SLC35G6: variants seen among roughly 807,000 people sequenced by gnomAD.
The protein encoded by SLC35G6 is solute carrier family 35 member G6.
In SLC35G6, 18 loss-of-function variants were observed where a neutral mutation model predicts 20.3. The observed-to-expected ratio is 0.88, with a 90% CI of 0.61 to 1.31. The LOEUF is 1.31. SLC35G6 is among the 40% of genes most tolerant of loss of function. The pLI, the probability that SLC35G6 is intolerant of heterozygous loss-of-function variation, is 0.00. For missense variants in SLC35G6, 372 were observed against 433.4 expected (o/e 0.86, Z 1.26); for synonymous variants, 156 against 200.9 (o/e 0.78, Z 1.89).
At position 7,482,605 on chromosome 17, in the gene SLC35G6, T is replaced by A; in HGVS notation, c.621T>A (p.Leu207=). ...GAGGACTGGCGCTGTCCCTGGGGCT[T>A]CTGGTCTATCGTTCTCTGCACTTTC... ...FVGGLALSLG[L]LVYRSLHFPS... is the part of the protein sequence containing the mutation. The change falls in exon 2 of 2, where the codon CTT becomes CTA. Residue 207 remains leucine (L), a synonymous_variant. Transcript: ENST00000412468. The A allele has an allele frequency of 6.2e-7, 1 of 1,612,114 alleles. No homozygotes were observed. The highest frequency in any genetic ancestry group is 8.5e-7 in the Non-Finnish European group (1 of 1,179,918).
At position 7,482,435 on chromosome 17, in the gene SLC35G6, A is replaced by C; in HGVS notation, c.451A>C (p.Ser151Arg). The part of the protein sequence containing the change: ...CSAVLTLCLE[S>R]QGLSGYDWCG... ...CGCCGTCCTCACCCTCTGCCTTGAG[A>C]GCCAGGGTCTCAGTGGCTACGACTG... Residue 151 changes from serine (S) to arginine (R), a missense_variant, in exon 2 of 2, where the codon AGC becomes CGC. Coordinates refer to ENST00000412468, the MANE Select transcript of SLC35G6 (RefSeq NM_001102614.2). 1 of 1,613,942 alleles carries C rather than the reference A, an allele frequency of 6.2e-7. No homozygotes were observed. Among genetic ancestry groups the C allele is most frequent in the Non-Finnish European group, 8.5e-7 (1 of 1,179,852 alleles).
chr17:7,482,511 G>C lies in SLC35G6; in HGVS notation c.527G>C (p.Gly176Ala), dbSNP rs1236225752. Residue 176 changes from glycine (G) to alanine (A), a missense_variant, in exon 2 of 2, where the codon GGA (glycine) becomes GCA (alanine). Coordinates refer to ENST00000412468, the MANE Select transcript of SLC35G6 (RefSeq NM_001102614.2). ...ILGLIIIVGPGLWTLQEGITG... is the reference protein window; with the variant it reads ...ILGLIIIVGPALWTLQEGITG... ...GGACTAATCATCATTGTGGGACCTG[G>C]ACTCTGGACACTACAGGAGGGGATC... is the stretch of plus-strand genomic sequence containing the variant. The C allele has an allele frequency of 6.2e-7, 1 of 1,613,528 alleles. No individual in the cohort carries two copies. Among genetic ancestry groups the C allele is most frequent in the Non-Finnish European group, 8.5e-7 (1 of 1,179,920 alleles).
At position 7,482,999 on chromosome 17, in the gene SLC35G6, TG is replaced by T. The variant is rs1293532677; in HGVS notation, c.1016del (p.Ter339=). On this transcript the variant is annotated frameshift_variant and stop_lost, in exon 2 of 2. Transcript: ENST00000412468. LOFTEE classifies it high-confidence loss of function. ...SCEREGKVEE[*>X] ...TGAGAGGGAAGGGAAGGTGGAGGAGTGAGATAGAACTTGGGAGCCCGGGGGT... is the reference window on the plus strand; with the variant it reads ...TGAGAGGGAAGGGAAGGTGGAGGAGTAGATAGAACTTGGGAGCCCGGGGGT... 1 of 1,610,540 alleles carries T rather than the reference TG, an allele frequency of 6.2e-7. No homozygotes were observed. Among genetic ancestry groups the T allele is most frequent in the Non-Finnish European group, 8.5e-7 (1 of 1,179,584 alleles).
chr17:7,482,946 C>T lies in SLC35G6; in HGVS notation c.962C>T (p.Ala321Val), dbSNP rs2070366473. ...VGAGVVLGSI[A>V]IITAWNLSCE... ...GCAGGGGTTGTGCTGGGCAGCATTG[C>T]CATCATCACAGCCTGGAACCTCAGC... The change falls in exon 2 of 2, where the codon GCC (alanine) becomes GTC (valine). Residue 321 changes from alanine (A) to valine (V), a missense_variant. By Grantham distance (64) the Ala-to-Val change is moderately conservative. Coordinates refer to ENST00000412468, the MANE Select transcript of SLC35G6 (RefSeq NM_001102614.2). 14 of 1,611,818 alleles carry T rather than the reference C, an allele frequency of 8.7e-6. No individual in the cohort carries two copies. The highest frequency in any genetic ancestry group is 1.7e-5 in the Admixed American group (1 of 59,972).
rs2070354455 is a variant in SLC35G6 at position 7,482,267 on chromosome 17, C to G, written c.283C>G (p.Leu95Val). ...LLLKLRGDPLLGPPDIRGRAY... is the reference protein window; with the variant it reads ...LLLKLRGDPLVGPPDIRGRAY... ...ACTTAAACTGCGTGGCGACCCCCTT[C>G]TGGGACCTCCTGACATCCGAGGCCG... The change falls in exon 2 of 2, where the codon CTG becomes GTG. Residue 95 changes from leucine to valine, a missense_variant. Coordinates refer to ENST00000412468, the MANE Select transcript of SLC35G6 (RefSeq NM_001102614.2). 3 of 1,614,054 alleles carry G rather than the reference C, an allele frequency of 1.9e-6. No individual in the cohort carries two copies. The highest frequency in any genetic ancestry group is 2.5e-6 in the Non-Finnish European group (3 of 1,179,870).
Position 7,483,123 on chromosome 17 carries a change from A to C in SLC35G6, c.*122A>C. The stretch of plus-strand genomic sequence containing the variant: ...GGTGTGGGAGAGGGATACCTCTCAG[A>C]GTCAAGGGTGACTTGGGGACTTGGT... On this transcript the variant is annotated 3_prime_UTR_variant, in exon 2 of 2. Coordinates refer to ENST00000412468, the MANE Select transcript of SLC35G6 (RefSeq NM_001102614.2). 1 of 1,497,932 alleles carries C rather than the reference A, an allele frequency of 6.7e-7. No individual in the cohort carries two copies. 92.8% of individuals were successfully genotyped at this position (1,497,932 alleles called of 1,614,324 possible). A position where few individuals can be genotyped will look rare whatever the true frequency, so the allele number is the denominator to read the frequency against.
At chr17:7,481,702 C>T (rs1417919087) in intron 1 of SLC35G6, among the ~76,000 whole-genome samples, 183 bp downstream of exon 1, 2 of 152,202 alleles carry the variant, frequency 1.3e-5, no homozygotes, top group Non-Finnish European at 2.9e-5. Flanking sequence ...GCTTCCTCCC[C>T]TTCCTCAATC....
Position 7,482,917 on chromosome 17 carries a change from G to C in SLC35G6, c.933G>C (p.Val311=), listed in dbSNP as rs781443670. The change falls in exon 2 of 2, where the codon GTG becomes GTC. Residue 311 remains valine (V), a synonymous_variant. Coordinates refer to ENST00000412468, the MANE Select transcript of SLC35G6 (RefSeq NM_001102614.2). ...LHETVAPSDI[V]GAGVVLGSIA... ...AGACTGTGGCACCTTCTGACATCGT[G>C]GGGGCAGGGGTTGTGCTGGGCAGCA... is the stretch of plus-strand genomic sequence containing the variant. 20 of 1,612,028 alleles carry C rather than the reference G, an allele frequency of 1.2e-5. No homozygotes were observed. In the South Asian group the frequency reaches 2.0e-4, roughly 16 times the overall value.
At chr17:7,481,857 A>G in intron 1 of SLC35G6, 131 bp from the exon 2 acceptor site, 1 of 1,320,564 alleles carries the variant, frequency 7.6e-7, no homozygotes, top group South Asian at 1.5e-5. Flanking sequence ...CTAGCTCCGA[A>G]GAGTTCCTCA....
In SLC35G6 at chr17:7,483,408, A is replaced by C; in HGVS notation, c.*407A>C. 2 of 280,384 alleles carry C rather than the reference A, an allele frequency of 7.1e-6. No individual in the cohort carries two copies. The highest frequency in any genetic ancestry group is 7.9e-5 in the South Asian group (2 of 25,240). The allele number at this position is 280,384 out of a possible 1,614,324, so 17.4% of individuals were successfully genotyped here. On this transcript the variant is annotated 3_prime_UTR_variant, in exon 2 of 2. Transcript: ENST00000412468. ...AGCGTGCCTCCCCACCCCTCCCCTC[A>C]CGGCAAAGGTTTCCTTTCCTCGTGC...
intron 1 of SLC35G6, 44 bp from the exon 2 acceptor site, chr17:7,481,944 G>C: frequency 6.5e-7 from 1 of 1,548,460 alleles, no homozygotes; most frequent in Non-Finnish European, 8.7e-7. Context: ...CAGGTCGCCT[G>C]GGCTGCGGCT....
rs572181840 is a variant in SLC35G6, at chr17:7,483,444, C to A, written c.*443C>A. The A allele has an allele frequency of 3.5e-5, 9 of 258,268 alleles. No homozygotes were observed. Among genetic ancestry groups the A allele is most frequent in the East Asian group, 1.0e-4 (1 of 9,848 alleles). 16.0% of individuals were successfully genotyped at this position (258,268 alleles called of 1,614,324 possible). ...TTCCTTTCCTCGTGCTTGTGCCCCC[C>A]CCTTGGGGTGGTGACGTGACATTGA... On this transcript the variant is annotated 3_prime_UTR_variant, in exon 2 of 2. Coordinates refer to ENST00000412468, the MANE Select transcript of SLC35G6 (RefSeq NM_001102614.2).
At position 7,481,975 on chromosome 17, in the gene SLC35G6, T is replaced by C. The variant is rs1163228956; in HGVS notation, c.4-13T>C. On this transcript the variant is annotated splice_polypyrimidine_tract_variant and intron_variant, in intron 1 of 1. Coordinates refer to ENST00000412468, the MANE Select transcript of SLC35G6 (RefSeq NM_001102614.2). Reference sequence around the variant, plus strand: ...CGGCTGCTGTCTACCCTGAGCTCCTTTCTCCCTAACAGGCTGGCAGTCACC... The same window carrying C: ...CGGCTGCTGTCTACCCTGAGCTCCTCTCTCCCTAACAGGCTGGCAGTCACC... 1.3e-6 allele frequency: 2 copies of C among 1,575,130 alleles called. No homozygotes were observed. Among genetic ancestry groups the C allele is most frequent in the Non-Finnish European group, 1.7e-6 (2 of 1,161,130 alleles).
chr17:7,482,789 T>A lies in SLC35G6; in HGVS notation c.805T>A (p.Cys269Ser). ...GATCCTCGCCTTGGTCTCCTTCACATGTGTGAGCTATGCGGTCACCAAGGC... is the reference window on the plus strand; with the variant it reads ...GATCCTCGCCTTGGTCTCCTTCACAAGTGTGAGCTATGCGGTCACCAAGGC... Reference protein sequence around the residue: ...VGILALVSFTCVSYAVTKAHP... With the variant: ...VGILALVSFTSVSYAVTKAHP... The change falls in exon 2 of 2, where the codon TGT becomes AGT. Residue 269 changes from cysteine (C) to serine (S), a missense_variant. Coordinates refer to ENST00000412468, the MANE Select transcript of SLC35G6 (RefSeq NM_001102614.2). 1 of 1,612,034 alleles carries A rather than the reference T, an allele frequency of 6.2e-7. No homozygotes were observed. The highest frequency in any genetic ancestry group is 8.5e-7 in the Non-Finnish European group (1 of 1,179,848).
At position 7,481,957 on chromosome 17, in the gene SLC35G6, T is replaced by C. The variant is rs927780490; in HGVS notation, c.4-31T>C. On this transcript the variant is annotated intron_variant, in intron 1 of 1. Transcript: ENST00000412468. ...CCCAGGTCGCCTGGGCTGCGGCTGC[T>C]GTCTACCCTGAGCTCCTTTCTCCCT... The C allele has an allele frequency of 2.6e-6, 4 of 1,554,388 alleles. No individual in the cohort carries two copies. In the African/African-American group the frequency reaches 4.1e-5, roughly 16 times the overall value.
rs2070355379 is a variant in SLC35G6, at chr17:7,482,314, C to T, written c.330C>T (p.Leu110=). 1 of 1,613,906 alleles carries T rather than the reference C, an allele frequency of 6.2e-7. No individual in the cohort carries two copies. The highest frequency in any genetic ancestry group is 1.7e-5 in the Admixed American group (1 of 60,004). ...IRGRAYFYAL[L]NVLSIGCAYS... ...GCCGGGCCTACTTCTATGCCCTGCT[C>T]AACGTCCTCAGCATTGGATGTGCCT... The change falls in exon 2 of 2, where the codon CTC becomes CTT. Residue 110 remains leucine (L), a synonymous_variant. Transcript: ENST00000412468.
At chr17:7,481,674 A>G (rs956809180) in intron 1 of SLC35G6, among the ~76,000 whole-genome samples, 155 bp downstream of exon 1, 5 of 152,198 alleles carry the variant, frequency 3.3e-5, no homozygotes, top group African/African-American at 1.2e-4. Flanking sequence ...GGCATCATAC[A>G]GATGCATAGC....
chr17:7,481,995 G>T lies in SLC35G6; in HGVS notation c.11G>T (p.Ser4Ile), dbSNP rs752534462. The T allele has an allele frequency of 6.3e-7, 1 of 1,593,012 alleles. No homozygotes were observed. The highest frequency in any genetic ancestry group is 1.1e-5 in the South Asian group (1 of 88,380). Residue 4 changes from serine (S) to isoleucine (I), a missense_variant, in exon 2 of 2, where the codon AGT becomes ATT. Transcript: ENST00000412468. ...CTCCTTTCTCCCTAACAGGCTGGCAGTCACCCCTACTTGAACCCGCCTGAC... is the reference window on the plus strand; with the variant it reads ...CTCCTTTCTCCCTAACAGGCTGGCATTCACCCCTACTTGAACCCGCCTGAC... MAG[S>I]HPYLNPPDST...
chr17:7,483,421 C>T lies in SLC35G6; in HGVS notation c.*420C>T. 3.6e-6 allele frequency: 1 copy of T among 274,254 alleles called. No individual in the cohort carries two copies. The highest frequency in any genetic ancestry group is 4.1e-5 in the South Asian group (1 of 24,530). The allele number at this position is 274,254 out of a possible 1,614,324, so 17.0% of individuals were successfully genotyped here. A position where few individuals can be genotyped will look rare whatever the true frequency, so the allele number is the denominator to read the frequency against. On this transcript the variant is annotated 3_prime_UTR_variant, in exon 2 of 2. Coordinates refer to ENST00000412468, the MANE Select transcript of SLC35G6 (RefSeq NM_001102614.2). ...ACCCCTCCCCTCACGGCAAAGGTTT[C>T]CTTTCCTCGTGCTTGTGCCCCCCCC...
Sources: allele counts gnomAD v4.1 joint callset (sites outside exome capture counted in the v4.1 genomes callset), GRCh38; gene constraint gnomAD v4.1.1; transcripts MANE v1.5; gene names NCBI Gene and HGNC (gene_info 2026-07-23, HGNC 2026-07-21).